LGR4: variants seen among roughly 807,000 people sequenced by gnomAD.
LGR4 encodes the protein leucine rich repeat containing G protein-coupled receptor 4.
LGR4 carries 44 observed loss-of-function variants against 84.8 expected under a neutral mutation model. The ratio of observed to expected loss-of-function variants is 0.52; its 90% CI spans 0.41 to 0.67. The LOEUF (loss-of-function observed/expected upper bound fraction) is 0.67, where lower values mean the gene tolerates loss of function less well. Ranked by LOEUF, LGR4 falls within the 30% of genes least tolerant of loss-of-function variation. The pLI, the probability that LGR4 is intolerant of heterozygous loss-of-function variation, is 0.00. For synonymous variants in LGR4, 429 were observed against 434.3 expected (o/e 0.99, Z 0.15); for missense variants, 1,032 against 1,131.4 (o/e 0.91, Z 1.26).
intron 1 of LGR4, among the ~76,000 whole-genome samples, chr11:27,451,651 T>C (rs948321543): frequency 1.2e-4 from 18 of 152,318 alleles, no homozygotes; most frequent in Admixed American, 9.8e-4. Flanking sequence ...CCCTAAAACT[T>C]CATTCATTCA....
At chr11:27,461,628 GCA>G (rs1350943807) in intron 1 of LGR4, among the ~76,000 whole-genome samples, 1 of 142,698 alleles carries the variant, frequency 7.0e-6, no homozygotes, top group African/African-American at 2.7e-5. Context: ...GGATTTTTCT[GCA>G]CATTTTTTTT....
At chr11:27,372,234 A>T in intron 16 of LGR4, 49 bp downstream of exon 16, 1 of 1,050,548 alleles carries the variant, frequency 9.5e-7, no homozygotes, top group Non-Finnish European at 1.5e-6. Flanking sequence ...CAGGAACTTT[A>T]ATCAATGCCT....
chr11:27,380,048 G>C (rs149778423), intron 10 of LGR4, among the ~76,000 whole-genome samples: 1 of 152,074 alleles, frequency 6.6e-6, no homozygotes, highest in African/African-American at 2.4e-5. Flanking sequence ...TTACTGCCTT[G>C]TATTTTCTGT....
intron 1 of LGR4, among the ~76,000 whole-genome samples, chr11:27,440,087 G>A (rs1404584157): frequency 6.6e-6 from 1 of 151,968 alleles, no homozygotes; most frequent in Non-Finnish European, 1.5e-5. Flanking sequence ...TATATTTTTA[G>A]TAGAGACGTG....
Position 27,431,823 on chromosome 11 carries a change from A to G in LGR4, c.186-18963T>C, listed in dbSNP as rs549160110. Reference sequence around the variant, plus strand: ...CTTTCAGCAAGGCTGCCTGAGTTCAAATCCAAGTTCTACCATGTATTAGCT... The same window carrying G: ...CTTTCAGCAAGGCTGCCTGAGTTCAGATCCAAGTTCTACCATGTATTAGCT... On this transcript the variant is annotated intron_variant, in intron 1 of 17. Coordinates refer to ENST00000379214, the MANE Select transcript of LGR4 (RefSeq NM_018490.5). Among the ~76,000 whole-genome samples, 92 of 152,322 alleles carry G rather than the reference A, an allele frequency of 6.0e-4. 1 individual carries two copies. Among genetic ancestry groups the G allele is most frequent in the Admixed American group, 6.0e-3 (92 of 15,294 alleles).
intron 3 of LGR4, among the ~76,000 whole-genome samples, chr11:27,391,839 A>G (rs1863291820): frequency 6.6e-6 from 1 of 152,186 alleles, no homozygotes; most frequent in South Asian, 2.1e-4. Flanking sequence ...ACCACAGAAT[A>G]GAAGAGATAA....
intron 4 of LGR4, among the ~76,000 whole-genome samples, chr11:27,386,701 C>A (rs923153815): frequency 2.6e-5 from 4 of 152,136 alleles, no homozygotes; most frequent in Admixed American, 1.3e-4. Flanking sequence ...TGCATTTTCC[C>A]TTCCTAATGA....
Position 27,368,039 on chromosome 11 carries a change from T to C in LGR4, c.2684A>G (p.Tyr895Cys). The C allele has an allele frequency of 1.2e-6, 2 of 1,600,374 alleles. No homozygotes were observed. Among genetic ancestry groups the C allele is most frequent in the Non-Finnish European group, 1.7e-6 (2 of 1,171,542 alleles). ...AVASCQRPEG[Y>C]WSDCGTQSAH... ...CGACTGTGTGCCACAGTCGGACCAGTAGCCCTCAGGTCTTTGGCAAGAAGC... is the reference window on the plus strand; with the variant it reads ...CGACTGTGTGCCACAGTCGGACCAGCAGCCCTCAGGTCTTTGGCAAGAAGC... The change falls in exon 18 of 18, where the codon TAC becomes TGC. Residue 895 changes from tyrosine (Y) to cysteine (C), a missense_variant. Physicochemically the swap from Tyr to Cys is radical, Grantham distance 194. Transcript: ENST00000379214.
intron 15 of LGR4, 164 bp downstream of exon 15, chr11:27,373,387 G>A (rs905456110): frequency 1.6e-5 from 9 of 578,160 alleles, no homozygotes; most frequent in African/African-American, 1.5e-4. Flanking sequence ...GTGGAATAAT[G>A]TTCATATTCT....
At chr11:27,452,025 C>A (rs1358634313) in intron 1 of LGR4, among the ~76,000 whole-genome samples, 2 of 152,092 alleles carry the variant, frequency 1.3e-5, no homozygotes, top group African/African-American at 4.8e-5. Flanking sequence ...AAATGGACAC[C>A]CACGTAATCT....
intron 1 of LGR4, among the ~76,000 whole-genome samples, chr11:27,462,534 T>C (rs916247246): frequency 6.6e-6 from 1 of 152,170 alleles, no homozygotes; most frequent in Non-Finnish European, 1.5e-5. Flanking sequence ...TGAGTAGCCT[T>C]TTTCCATTAG....
intron 1 of LGR4, among the ~76,000 whole-genome samples, chr11:27,436,355 A>G (rs533395794): frequency 1.9e-4 from 27 of 144,496 alleles, no homozygotes; most frequent in Middle Eastern, 6.8e-3. Flanking sequence ...GAGAGAAAGA[A>G]AGAAAGAAAG....
chr11:27,378,820 C>A (rs1863037428), intron 10 of LGR4, 52 bp from the exon 11 acceptor site: 3 of 1,275,832 alleles, frequency 2.4e-6, no homozygotes, highest in Non-Finnish European at 2.3e-6. Context: ...AGATAGTAAG[C>A]AAAATTTATT....
At chr11:27,433,705 G>A (rs1864157653) in intron 1 of LGR4, among the ~76,000 whole-genome samples, 1 of 152,180 alleles carries the variant, frequency 6.6e-6, no homozygotes, top group Non-Finnish European at 1.5e-5. Flanking sequence ...TCCTGTGCAA[G>A]TTCTTTGCAC....
chr11:27,379,043 TCA>T, intron 10 of LGR4: 1 of 423,518 alleles, frequency 2.4e-6, no homozygotes, highest in Non-Finnish European at 4.1e-6. Context: ...TAATCTACAG[TCA>T]CACAGTCTGA....
rs1401557837 is a variant in LGR4 at position 27,380,293 on chromosome 11, C to T, written c.949G>A (p.Gly317Arg). The change falls in exon 10 of 18, where the codon GGA becomes AGA. Residue 317 changes from glycine (G) to arginine (R), a missense_variant. Coordinates refer to ENST00000379214, the MANE Select transcript of LGR4 (RefSeq NM_018490.5). ...SMVQQFPNLT[G>R]TVHLESLTLT... ...TACAGACTTTCCAGGTGGACAGTTC[C>T]TGTAAGATTGGGGAACTGCTGCACC... 4.6e-5 allele frequency: 74 copies of T among 1,611,012 alleles called. No individual in the cohort carries two copies. Among genetic ancestry groups the T allele is most frequent in the Non-Finnish European group, 6.2e-5 (73 of 1,178,264 alleles).
chr11:27,471,136 C>T (rs191054761), intron 1 of LGR4, among the ~76,000 whole-genome samples: 2 of 152,344 alleles, frequency 1.3e-5, no homozygotes, highest in East Asian at 3.9e-4. Flanking sequence ...CTATCCGTGG[C>T]CTTTGCCACC....
At chr11:27,449,538 C>T (rs971481265) in intron 1 of LGR4, among the ~76,000 whole-genome samples, 2 of 151,372 alleles carry the variant, frequency 1.3e-5, no homozygotes, top group Admixed American at 6.6e-5. Flanking sequence ...CCCATGATCA[C>T]GCCATTGCAC....
intron 1 of LGR4, among the ~76,000 whole-genome samples, chr11:27,467,566 C>CAAAAAA (rs761925670): frequency 1.9e-5 from 1 of 51,836 alleles, no homozygotes; most frequent in African/African-American, 5.2e-5. Flanking sequence ...GAGTCCGTCT[C>CAAAAAA]AAAAAAAAAA....
Sources: allele counts gnomAD v4.1 joint callset (sites outside exome capture counted in the v4.1 genomes callset), GRCh38; gene constraint gnomAD v4.1.1; transcripts MANE v1.5; gene names NCBI Gene and HGNC (gene_info 2026-07-23, HGNC 2026-07-21).